KAZN: variants seen among roughly 807,000 people sequenced by gnomAD.
KAZN encodes the protein kazrin.
A neutral mutation model predicts 87.4 loss-of-function variants in KAZN; 40 were observed. That is an observed-to-expected ratio of 0.46 (90% CI 0.36 to 0.60). The LOEUF (loss-of-function observed/expected upper bound fraction) is 0.60, where lower values mean the gene tolerates loss of function less well. Among genes scored for constraint, KAZN ranks in the 20% least tolerant of loss-of-function variants. The pLI is 0.00. For synonymous variants in KAZN, 466 were observed against 458.3 expected (o/e 1.02, Z -0.22); for missense variants, 898 against 1,073.9 (o/e 0.84, Z 2.29).
chr1:14,006,004 G>C (rs540945904), intron 1 of KAZN, among the ~76,000 whole-genome samples: 3 of 151,966 alleles, frequency 2.0e-5, no homozygotes, highest in Non-Finnish European at 4.4e-5. Context: ...CCTCATATAG[G>C]GTTTAGTAGA....
chr1:14,872,728 A>C (rs1390968224), intron 1 of KAZN, among the ~76,000 whole-genome samples: 2 of 152,248 alleles, frequency 1.3e-5, no homozygotes, highest in African/African-American at 4.8e-5. Context: ...CCAGTAAGAA[A>C]TTATTGCATG....
chr1:13,898,156 G>C (rs1639113921), intron 1 of KAZN, among the ~76,000 whole-genome samples: 1 of 152,216 alleles, frequency 6.6e-6, no homozygotes, highest in African/African-American at 2.4e-5. Flanking sequence ...ATGTTGGGGG[G>C]ACCTCCGAGG....
intron 1 of KAZN, among the ~76,000 whole-genome samples, chr1:14,933,972 C>T (rs942278190): frequency 6.6e-6 from 1 of 151,676 alleles, no homozygotes; most frequent in Non-Finnish European, 1.5e-5. Context: ...CTCCGCCTCC[C>T]GAGTAGCTGG....
Position 14,785,042 on chromosome 1 carries a change from C to CA in KAZN, c.227-175641dup, listed in dbSNP as rs537500128. On this transcript the variant is annotated intron_variant, in intron 1 of 14. Transcript: ENST00000376030. ...GTACTTTGAGAGATTAAGATGTAAG[C>CA]ACGGGGGTGCATAACGTCAAGCTTC... Among the ~76,000 whole-genome samples the CA allele has an allele frequency of 7.3e-3, 1,094 of 150,002 alleles. 19 individuals are homozygous for CA. The highest frequency in any genetic ancestry group is 0.026 in the African/African-American group (1,040 of 40,614).
intron 1 of KAZN, among the ~76,000 whole-genome samples, chr1:14,023,525 A>G (rs748015843): frequency 6.6e-6 from 1 of 152,160 alleles, no homozygotes; most frequent in Non-Finnish European, 1.5e-5. Flanking sequence ...GCAGGATTCA[A>G]AGCTGAGTGG....
chr1:14,957,295 G>C (rs1663232270), intron 1 of KAZN, among the ~76,000 whole-genome samples: 2 of 152,348 alleles, frequency 1.3e-5, no homozygotes, highest in South Asian at 4.1e-4. Flanking sequence ...ACTAGCCTGA[G>C]AGTGGGGCCT....
At chr1:15,113,361 T>C (rs1309353796) in intron 14 of KAZN, 3 of 152,118 alleles carry the variant, frequency 2.0e-5, no homozygotes, top group African/African-American at 7.2e-5. Context: ...AGAGGCGTAG[T>C]ATGTCTGTGG....
intron 2 of KAZN, among the ~76,000 whole-genome samples, chr1:14,534,075 A>G (rs1672352192): frequency 6.6e-6 from 1 of 152,006 alleles, no homozygotes; most frequent in African/African-American, 2.4e-5. Context: ...ACCCAATGAA[A>G]CCCTTTCTGA....
intron 1 of KAZN, among the ~76,000 whole-genome samples, chr1:13,967,323 G>A (rs1641981897): frequency 6.6e-6 from 1 of 152,162 alleles, no homozygotes; most frequent in Non-Finnish European, 1.5e-5. Context: ...TGCAAGGAAT[G>A]CAAGTCTTCC....
chr1:14,981,622 G>C (rs1666260761), intron 2 of KAZN, among the ~76,000 whole-genome samples: 1 of 152,212 alleles, frequency 6.6e-6, no homozygotes, highest in African/African-American at 2.4e-5. Flanking sequence ...CAGGTTGCCG[G>C]AGCCCTGCGC....
At chr1:14,972,554 C>A (rs1339563465) in intron 2 of KAZN, among the ~76,000 whole-genome samples, 1 of 149,738 alleles carries the variant, frequency 6.7e-6, no homozygotes, top group Non-Finnish European at 1.5e-5. Flanking sequence ...TCACTCTTGT[C>A]GCCTAGGCTA....
At chr1:14,543,387 A>C (rs1477373785) in intron 2 of KAZN, among the ~76,000 whole-genome samples, 1 of 152,114 alleles carries the variant, frequency 6.6e-6, no homozygotes, top group Non-Finnish European at 1.5e-5. Context: ...GCTCTGGGAG[A>C]TGCTTGCCTC....
chr1:14,416,197 G>A (rs985374925), intron 2 of KAZN, among the ~76,000 whole-genome samples: 16 of 152,120 alleles, frequency 1.1e-4, no homozygotes, highest in Admixed American at 7.2e-4. Flanking sequence ...ACAGAATTAG[G>A]AGCTAAGCAC....
intron 2 of KAZN, among the ~76,000 whole-genome samples, chr1:14,477,823 G>A (rs1024121106): frequency 6.6e-6 from 1 of 152,156 alleles, no homozygotes; most frequent in Admixed American, 6.5e-5. Context: ...CAGGGCCAAC[G>A]CTGCCCATTA....
At chr1:14,155,904 C>T (rs1645582776) in intron 1 of KAZN, among the ~76,000 whole-genome samples, 1 of 152,104 alleles carries the variant, frequency 6.6e-6, no homozygotes, top group Non-Finnish European at 1.5e-5. Context: ...CTCACCTTGG[C>T]CTCCTAAAGT....
rs193056528 is a variant in KAZN, at chr1:14,717,185, A to G, written c.226+117962A>G. On this transcript the variant is annotated intron_variant, in intron 1 of 14. Transcript: ENST00000376030. ...GTCTCATAACCTCCCACTCCCCCCT[A>G]CTCACTGGATGTGGACTCTGTAGGC... is the stretch of plus-strand genomic sequence containing the variant. Among the ~76,000 whole-genome samples, 10 of 149,770 alleles carry G rather than the reference A, an allele frequency of 6.7e-5. No individual in the cohort carries two copies. The East Asian group carries it at 2.0e-3, about 29-fold the overall frequency.
intron 2 of KAZN, among the ~76,000 whole-genome samples, chr1:15,027,198 C>T (rs1671263673): frequency 6.7e-6 from 1 of 150,358 alleles, no homozygotes; most frequent in South Asian, 2.1e-4. Flanking sequence ...TCTCCTGCCT[C>T]AGCCTCCCCA....
At chr1:14,573,199 C>A (rs1421217825) in intron 2 of KAZN, among the ~76,000 whole-genome samples, 1 of 152,172 alleles carries the variant, frequency 6.6e-6, no homozygotes, top group Non-Finnish European at 1.5e-5. Context: ...CCTTTAAGCC[C>A]CATGTGTATT....
intron 2 of KAZN, among the ~76,000 whole-genome samples, chr1:14,445,758 C>G (rs1174527693): frequency 6.6e-6 from 1 of 152,136 alleles, no homozygotes; most frequent in Non-Finnish European, 1.5e-5. Flanking sequence ...CAGCATAGAA[C>G]ACACATATTG....
Sources: gnomAD v4.1 joint callset for allele counts (sites outside exome capture counted in the v4.1 genomes callset) on GRCh38, gnomAD v4.1.1 for gene constraint, MANE v1.5 for transcripts, NCBI Gene and HGNC (gene_info 2026-07-23, HGNC 2026-07-21) for gene names.